ZNF142: variants seen among roughly 807,000 people sequenced by gnomAD.
ZNF142 encodes the protein zinc finger protein 142 (clone pHZ-49).
A neutral mutation model predicts 132.1 loss-of-function variants in ZNF142; 96 were observed. The ratio of observed to expected loss-of-function variants is 0.73; its 90% CI spans 0.62 to 0.86. ZNF142 has a LOEUF of 0.86. Among genes scored for constraint, ZNF142 ranks in the 40% least tolerant of loss-of-function variants. The pLI is 0.00. For synonymous variants in ZNF142, 842 were observed against 890.1 expected, an observed-to-expected ratio of 0.95 and a Z score of 0.96; for missense variants, 2,163 against 2,336.2, an observed-to-expected ratio of 0.93 and a Z score of 1.53.
In ZNF142 at chr2:218,633,672, G is replaced by A. The variant is rs368342612; in HGVS notation, c.*4667C>T. On this transcript the variant is annotated 3_prime_UTR_variant, in exon 11 of 11. Transcript: ENST00000411696. Reference sequence around the variant, plus strand: ...ATCTACTTGAAGTCTGTCTCATTCCGCAGCTTCACACATTCAAAGGAGCAC... The same window carrying A: ...ATCTACTTGAAGTCTGTCTCATTCCACAGCTTCACACATTCAAAGGAGCAC... The A allele has an allele frequency of 4.7e-5, 76 of 1,613,142 alleles. No homozygotes were observed. The highest frequency in any genetic ancestry group is 1.6e-4 in the Middle Eastern group (1 of 6,062).
chr2:218,652,596 CA>C (rs1389980837), intron 4 of ZNF142, among the ~76,000 whole-genome samples: 4 of 152,054 alleles, frequency 2.6e-5, no homozygotes, highest in Admixed American at 2.6e-4. Context: ...ATATTTTGCC[CA>C]AGTGAAAACC....
Position 218,648,941 on chromosome 2 carries a change from A to ATGAG in ZNF142, c.1563_1566dup (p.Cys523LeufsTer28). On this transcript the variant is annotated frameshift_variant, in exon 7 of 11. Transcript: ENST00000411696. LOFTEE classifies it high-confidence loss of function. The stretch of plus-strand genomic sequence containing the variant: ...TCGGCTGTGGCAAAGAGCATGGGAC[A>ATGAG]TGAGTGATGGCGGCACTCCACAGCC... 1 of 1,613,364 alleles carries ATGAG rather than the reference A, an allele frequency of 6.2e-7. No homozygotes were observed. The highest frequency in any genetic ancestry group is 8.5e-7 in the Non-Finnish European group (1 of 1,180,024).
Position 218,656,365 on chromosome 2 carries a change from G to T in ZNF142, c.65C>A (p.Pro22His), listed in dbSNP as rs757832819. The part of the protein sequence containing the change: ...SSTGEMDGLC[P>H]ELLLIPPPLS... ...AGGCGGGGGGATCAGCAATAGCTCAGGGCACAGTCCATCCATCTCCCCGGT... is the reference window on the plus strand; with the variant it reads ...AGGCGGGGGGATCAGCAATAGCTCATGGCACAGTCCATCCATCTCCCCGGT... Residue 22 changes from proline (P) to histidine (H), a missense_variant, in exon 4 of 11, where the codon CCT (proline) becomes CAT (histidine). Around this residue, in one of 7 missense-constraint regions of ZNF142, gnomAD observed 195 missense variants for 172.4 expected, o/e 1.13. Transcript: ENST00000411696. The T allele has an allele frequency of 6.5e-7, 1 of 1,540,670 alleles. No individual in the cohort carries two copies. Among genetic ancestry groups the T allele is most frequent in the East Asian group, 2.4e-5 (1 of 42,518 alleles).
Position 218,640,759 on chromosome 2 carries a change from C to T in ZNF142, c.5099G>A (p.Arg1700Gln), listed in dbSNP as rs772448448. Residue 1700 changes from arginine to glutamine, a missense_variant, in exon 10 of 11, where the codon CGG becomes CAG. By Grantham distance (43) the Arg-to-Gln change is conservative (BLOSUM62 1). This residue lies in a region of ZNF142 where 325 missense variants were observed against 367.8 expected (regional missense o/e 0.88). Transcript: ENST00000411696. ...GTACTTCCGTTCCTCCTTGTGGATC[C>T]GCATGTGGTACTGGAAGAGGCAAGA... ...ADPSRLKYHM[R>Q]IHKEERKYLC... 1.5e-5 allele frequency: 24 copies of T among 1,613,934 alleles called. No homozygotes were observed. In the East Asian group the frequency reaches 2.7e-4, roughly 18 times the overall value.
At chr2:218,655,562 A>C (rs1427034116) in intron 4 of ZNF142, among the ~76,000 whole-genome samples, 3 of 152,130 alleles carry the variant, frequency 2.0e-5, no homozygotes, top group African/African-American at 7.2e-5. Context: ...TGATCATAAC[A>C]TACGGCAGCC....
intron 3 of ZNF142, among the ~76,000 whole-genome samples, chr2:218,657,269 T>C (rs1280452724): frequency 6.6e-6 from 1 of 152,194 alleles, no homozygotes. Flanking sequence ...TGTGCCATTC[T>C]CCAGACCCAC....
At position 218,642,411 on chromosome 2, in the gene ZNF142, G is replaced by C. The variant is rs747090607; in HGVS notation, c.4705C>G (p.Leu1569Val). 6 of 1,612,996 alleles carry C rather than the reference G, an allele frequency of 3.7e-6. No homozygotes were observed. The highest frequency in any genetic ancestry group is 5.1e-6 in the Non-Finnish European group (6 of 1,180,018). Residue 1569 changes from leucine (L) to valine (V), a missense_variant, in exon 9 of 11, where the codon CTG becomes GTG. Leu to Val is a conservative substitution (Grantham distance 32). Coordinates refer to ENST00000411696, the MANE Select transcript of ZNF142 (RefSeq NM_001379659.1). The surrounding 1 kb of genome is among the most constrained non-coding windows in gnomAD (Gnocchi z 4.6). ...CQEAFPSRLA[L>V]DEHRRQQHFS... ...TGCTGCTGCCTCCGGTGCTCATCCA[G>C]AGCCAGTCGGCTAGGGAAGGCCTCC...
At position 218,651,907 on chromosome 2, in the gene ZNF142, C is replaced by A. The variant is rs1938033758; in HGVS notation, c.674G>T (p.Cys225Phe). 2 of 1,281,730 alleles carry A rather than the reference C, an allele frequency of 1.6e-6. No homozygotes were observed. Among genetic ancestry groups the A allele is most frequent in the Non-Finnish European group, 2.0e-6 (2 of 981,582 alleles). The allele number at this position is 1,281,730 out of a possible 1,614,324, so 79.4% of individuals were successfully genotyped here. ...AAGCAGGGGGCAGCCCCGGAAAGAA[C>A]AGGGCACAGGAACTGCTCTGTGAGT... ...RQTHRAVPVP[C>F]SFRGCPLLFG... Residue 225 changes from cysteine (C) to phenylalanine (F), a missense_variant, in exon 5 of 11, where the codon TGT (cysteine) becomes TTT (phenylalanine). Physicochemically the swap from Cys to Phe is radical, Grantham distance 205 (BLOSUM62 -2). This residue lies in a region of ZNF142 where 195 missense variants were observed against 172.4 expected (regional missense o/e 1.13). Transcript: ENST00000411696.
At chr2:218,652,389 T>A (rs1282452167) in intron 4 of ZNF142, 89 bp from the exon 5 acceptor site, 1 of 438,572 alleles carries the variant, frequency 2.3e-6, no homozygotes, top group Non-Finnish European at 4.6e-6. Flanking sequence ...TGTAGGTGAA[T>A]CTTTTAATAT....
chr2:218,657,492 G>A (rs1320750154), intron 3 of ZNF142, among the ~76,000 whole-genome samples: 7 of 152,044 alleles, frequency 4.6e-5, no homozygotes, highest in African/African-American at 9.7e-5. Flanking sequence ...GCAGTGGCAC[G>A]ATCTCAGCTC....
chr2:218,658,116 T>G (rs1342070112), intron 3 of ZNF142, among the ~76,000 whole-genome samples: 1 of 152,222 alleles, frequency 6.6e-6, no homozygotes, highest in East Asian at 1.9e-4. Flanking sequence ...GAGGAATGAA[T>G]GACAATTGAA....
In ZNF142 at chr2:218,645,881, C is replaced by G. The variant is rs141836684; in HGVS notation, c.2051+290G>C. ...GGCTCAAGCGATTCTAGTGCTTCAG[C>G]CTCCCAAGAAGCTGGCATTACAGGC... On this transcript the variant is annotated intron_variant, in intron 8 of 10. Coordinates refer to ENST00000411696, the MANE Select transcript of ZNF142 (RefSeq NM_001379659.1). Among the ~76,000 whole-genome samples the G allele has an allele frequency of 1.5e-3, 230 of 152,316 alleles. 2 individuals carry two copies. The East Asian group carries it at 0.034, about 23-fold the overall frequency.
chr2:218,646,121 C>G, intron 8 of ZNF142, 50 bp downstream of exon 8: 1 of 1,585,824 alleles, frequency 6.3e-7, no homozygotes, highest in Non-Finnish European at 8.6e-7. Context: ...AGGAAGCTAG[C>G]TTGGCTAAGA....
chr2:218,657,817 T>G (rs1436832712), intron 3 of ZNF142, among the ~76,000 whole-genome samples: 1 of 152,242 alleles, frequency 6.6e-6, no homozygotes, highest in Admixed American at 6.5e-5. Context: ...CACACTGCAC[T>G]GTTGTTTACC....
chr2:218,635,788 G>C lies in ZNF142; in HGVS notation c.*2551C>G, dbSNP rs1575046233. 1.9e-6 allele frequency: 3 copies of C among 1,610,684 alleles called. No individual in the cohort carries two copies. The highest frequency in any genetic ancestry group is 2.2e-5 in the East Asian group (1 of 44,828). ...GGAACTTGTGAGATTCCAGAGCCCT[G>C]ACTACAGGTGATCAGCGGTCAGCAA... On this transcript the variant is annotated 3_prime_UTR_variant, in exon 11 of 11. Coordinates refer to ENST00000411696, the MANE Select transcript of ZNF142 (RefSeq NM_001379659.1).
rs375328726 is a variant in ZNF142, at chr2:218,653,817, C to T, written c.281-1517G>A. ...AAATCAAAACGAAATTCTGCCCTTG[C>T]TTCCCTGGGGACCAAAAAAATAAAA... On this transcript the variant is annotated intron_variant, in intron 4 of 10. Coordinates refer to ENST00000411696, the MANE Select transcript of ZNF142 (RefSeq NM_001379659.1). 3.9e-5 allele frequency among the ~76,000 whole-genome samples: 6 copies of T among 152,220 alleles called. No individual in the cohort carries two copies. In the South Asian group the frequency reaches 1.0e-3, roughly 26 times the overall value.
In ZNF142 at chr2:218,649,156, T is replaced by A. The variant is rs756578228; in HGVS notation, c.1352A>T (p.Asp451Val). 1.9e-6 allele frequency: 3 copies of A among 1,614,164 alleles called. No homozygotes were observed. Among genetic ancestry groups the A allele is most frequent in the South Asian group, 2.2e-5 (2 of 91,088 alleles). ...ACGGCAGACAGGACAGGCATAGGTG[T>A]CTGAGTAGAAGTTGGAAATATCTTC... ...MHEDISNFYS[D>V]TYACPVCREE... The change falls in exon 7 of 11, where the codon GAC becomes GTC. Residue 451 changes from aspartate (D) to valine (V), a missense_variant. Coordinates refer to ENST00000411696, the MANE Select transcript of ZNF142 (RefSeq NM_001379659.1).
intron 4 of ZNF142, among the ~76,000 whole-genome samples, 182 bp from the exon 5 acceptor site, chr2:218,652,482 G>A (rs896793811): frequency 5.3e-5 from 8 of 152,208 alleles, no homozygotes; most frequent in African/African-American, 1.9e-4. Context: ...TATCTGGCAC[G>A]TGTGTTTGGA....
Position 218,634,175 on chromosome 2 carries a change from T to G in ZNF142, c.*4164A>C. On this transcript the variant is annotated 3_prime_UTR_variant, in exon 11 of 11. Coordinates refer to ENST00000411696, the MANE Select transcript of ZNF142 (RefSeq NM_001379659.1). The surrounding 1 kb of genome is among the most constrained non-coding windows in gnomAD (Gnocchi z 4.0). ...ATCCCAGCGGCCTGAGGACAGACTC[T>G]TCCAACTACAACCCCCAGGAACTCT... The G allele has an allele frequency of 6.2e-7, 1 of 1,612,446 alleles. No homozygotes were observed. The highest frequency in any genetic ancestry group is 8.5e-7 in the Non-Finnish European group (1 of 1,179,266).
Sources: gnomAD v4.1 joint callset for allele counts (sites outside exome capture counted in the v4.1 genomes callset) on GRCh38, gnomAD v4.1.1 for gene constraint, gnomAD v4.1.1 regional missense constraint, Gnocchi (gnomAD v3.1) non-coding constraint, MANE v1.5 for transcripts, NCBI Gene and HGNC (gene_info 2026-07-23, HGNC 2026-07-21) for gene names.